HGSNAT: variants seen among roughly 807,000 people sequenced by gnomAD.
HGSNAT encodes transmembrane protein 76.
Under a neutral mutation model 85.2 loss-of-function variants are expected in HGSNAT, and 59 were observed. That is an observed-to-expected ratio of 0.69 (90% CI 0.56 to 0.86). The LOEUF (loss-of-function observed/expected upper bound fraction) is 0.86, where lower values mean the gene tolerates loss of function less well. HGSNAT is among the 40% of genes least tolerant of loss of function. The probability of loss-of-function intolerance (pLI) is 0.00; values close to 1 mark genes in which losing one functional copy is unlikely to be tolerated. For synonymous variants in HGSNAT, 321 were observed against 304.5 expected, an observed-to-expected ratio of 1.05 and a Z score of -0.56; for missense variants, 756 against 777.1, an observed-to-expected ratio of 0.97 and a Z score of 0.32.
intron 4 of HGSNAT, among the ~76,000 whole-genome samples, chr8:43,160,032 G>A (rs1803222315): frequency 6.6e-6 from 1 of 152,132 alleles, no homozygotes; most frequent in Admixed American, 6.6e-5. Context: ...ATATGTAGTG[G>A]AAGAAAAATA....
At chr8:43,152,657 A>G (rs927321007) in intron 2 of HGSNAT, among the ~76,000 whole-genome samples, 9 of 152,186 alleles carry the variant, frequency 5.9e-5, no homozygotes, top group Admixed American at 3.9e-4. Context: ...AGGTCTTGCT[A>G]TGTTGCTCAG....
In HGSNAT at chr8:43,182,031, G is replaced by T. The variant is rs536802718; in HGVS notation, c.1013-114G>T. 39 of 803,940 alleles carry T rather than the reference G, an allele frequency of 4.9e-5. 1 individual carries two copies. The South Asian group carries it at 5.4e-4, about 11-fold the overall frequency. 49.8% of individuals were successfully genotyped at this position (803,940 alleles called of 1,614,324 possible). ...TTTCCATGTCCAAGAGCTTAAAAAA[G>T]ACTTACTTAGATGCAATATAGGTAT... On this transcript the variant is annotated intron_variant, in intron 10 of 17. Coordinates refer to ENST00000379644, the MANE Select transcript of HGSNAT (RefSeq NM_152419.3).
chr8:43,164,539 G>C (rs534048974), intron 5 of HGSNAT, among the ~76,000 whole-genome samples: 2 of 152,096 alleles, frequency 1.3e-5, no homozygotes, highest in South Asian at 2.1e-4. Context: ...CAGCACTTTG[G>C]GGGGCCTAGG....
chr8:43,158,497 T>G, intron 2 of HGSNAT, 78 bp from the exon 3 acceptor site: 1 of 1,454,584 alleles, frequency 6.9e-7, no homozygotes, highest in South Asian at 1.2e-5. Context: ...GGATCTCCAG[T>G]TGGATATTTA....
At chr8:43,195,655 T>TGGAGGAGGTGGAGGGAGTCGA (rs1804693578) in intron 14 of HGSNAT, among the ~76,000 whole-genome samples, 1 of 67,560 alleles carries the variant, frequency 1.5e-5, no homozygotes. Flanking sequence ...GAGGAGGGGC[T>TGGAGGAGGTGGAGGGAGTCGA]GGAGGAGGAG....
intron 10 of HGSNAT, among the ~76,000 whole-genome samples, chr8:43,179,537 C>G (rs1430757160): frequency 1.0e-5 from 1 of 97,878 alleles, no homozygotes; most frequent in African/African-American, 4.1e-5. Flanking sequence ...CTGGCCGACC[C>G]CCCCCACCGC....
At position 43,146,979 on chromosome 8, in the gene HGSNAT, G is replaced by A. The variant is rs1409035097; in HGVS notation, c.150G>A (p.Lys50=). ...DLDKKRHAEL[K]MDQALLLIHN... is the part of the protein sequence containing the mutation. ...ACAAAAAAAGACATGCAGAGCTGAAGATGGATCAGGCTTTGCTACTCATCC... is the reference window on the plus strand; with the variant it reads ...ACAAAAAAAGACATGCAGAGCTGAAAATGGATCAGGCTTTGCTACTCATCC... Residue 50 remains lysine (K), a synonymous_variant, in exon 2 of 18, where the codon AAG becomes AAA. Coordinates refer to ENST00000379644, the MANE Select transcript of HGSNAT (RefSeq NM_152419.3). The A allele has an allele frequency of 6.2e-7, 1 of 1,605,060 alleles. No homozygotes were observed. Among genetic ancestry groups the A allele is most frequent in the Non-Finnish European group, 8.5e-7 (1 of 1,176,662 alleles).
intron 2 of HGSNAT, 88 bp downstream of exon 2, chr8:43,147,151 G>A: frequency 1.4e-6 from 1 of 718,144 alleles, no homozygotes. Flanking sequence ...CCCTTCACAA[G>A]TTAATTTCAG....
chr8:43,202,677 C>T lies in HGSNAT; in HGVS notation c.*3108C>T, dbSNP rs781370022. 6.6e-6 allele frequency: 1 copy of T among 152,098 alleles called. No homozygotes were observed. The highest frequency in any genetic ancestry group is 1.5e-5 in the Non-Finnish European group (1 of 68,012). The allele number at this position is 152,098 out of a possible 1,614,324, so 9.4% of individuals were successfully genotyped here. On this transcript the variant is annotated 3_prime_UTR_variant, in exon 18 of 18. Transcript: ENST00000379644. ...TGCCGCTGTAGATCATAAAATGTAT[C>T]TTTTCCATGGCCAACAAGGGGCATC...
At chr8:43,147,148 C>A in intron 2 of HGSNAT, 85 bp downstream of exon 2, 2 of 747,692 alleles carry the variant, frequency 2.7e-6, no homozygotes, top group Non-Finnish European at 2.2e-6. Context: ...AAGCCCTTCA[C>A]AAGTTAATTT....
intron 10 of HGSNAT, among the ~76,000 whole-genome samples, chr8:43,181,234 A>G (rs1415189043): frequency 7.8e-6 from 1 of 128,652 alleles, no homozygotes; most frequent in East Asian, 2.4e-4. Context: ...GGAGAGGGAG[A>G]GCATTTCATC....
At chr8:43,155,167 A>G (rs1256878033) in intron 2 of HGSNAT, among the ~76,000 whole-genome samples, 1 of 152,108 alleles carries the variant, frequency 6.6e-6, no homozygotes, top group Non-Finnish European at 1.5e-5. Flanking sequence ...GTTTCCCACA[A>G]TGGCTGTACT....
intron 2 of HGSNAT, among the ~76,000 whole-genome samples, chr8:43,148,975 G>A (rs569106855): frequency 1.5e-4 from 22 of 151,654 alleles, no homozygotes; most frequent in Non-Finnish European, 2.8e-4. Flanking sequence ...AATTAGCTAC[G>A]CACAGTGGTG....
intron 1 of HGSNAT, among the ~76,000 whole-genome samples, chr8:43,144,915 A>C (rs1802665172): frequency 6.6e-6 from 1 of 152,130 alleles, no homozygotes; most frequent in Non-Finnish European, 1.5e-5. Context: ...TTTCCTTGTG[A>C]TATAAGGCAC....
At position 43,169,229 on chromosome 8, in the gene HGSNAT, G is replaced by A. The variant is rs192297314; in HGVS notation, c.620G>A (p.Arg207His). 1.0e-5 allele frequency: 16 copies of A among 1,582,406 alleles called. No individual in the cohort carries two copies. Among genetic ancestry groups the A allele is most frequent in the African/African-American group, 8.0e-5 (6 of 74,562 alleles). Reference sequence around the variant, plus strand: ...GCCATAAGTTCTCGAGAAACTGATCGCCTCATCAATTCTGTAAGTTATGAG... The same window carrying A: ...GCCATAAGTTCTCGAGAAACTGATCACCTCATCAATTCTGTAAGTTATGAG... ...SKAISSRETD[R>H]LINSELGSPS... The change falls in exon 6 of 18, where the codon CGC becomes CAC. Residue 207 changes from arginine (R) to histidine (H), a missense_variant. Transcript: ENST00000379644.
At chr8:43,186,450 A>T (rs1358217818) in intron 11 of HGSNAT, among the ~76,000 whole-genome samples, 3 of 151,782 alleles carry the variant, frequency 2.0e-5, no homozygotes, top group African/African-American at 7.3e-5. Context: ...GTATTCTCTG[A>T]TTGTAGTTTG....
chr8:43,140,549 T>G lies in HGSNAT; in HGVS notation c.53T>G (p.Leu18Arg), dbSNP rs1802480688. 8.5e-7 allele frequency: 1 copy of G among 1,181,020 alleles called. No homozygotes were observed. The highest frequency in any genetic ancestry group is 1.6e-5 in the African/African-American group (1 of 61,496). The allele number at this position is 1,181,020 out of a possible 1,614,324, so 73.2% of individuals were successfully genotyped here. ...GCGCTGCTGCTGGCCGCGTCCGTGC[T>G]GAGCGCCGCGCTGCTGGCCCCCGGC... is the stretch of plus-strand genomic sequence containing the variant. ...LAALLLAASV[L>R]SAALLAPGGS... Residue 18 changes from leucine (L) to arginine (R), a missense_variant, in exon 1 of 18, where the codon CTG becomes CGG. Leu to Arg is a moderately radical substitution (Grantham distance 102, BLOSUM62 -2). Transcript: ENST00000379644.
chr8:43,168,281 C>T (rs1227337959), intron 5 of HGSNAT, among the ~76,000 whole-genome samples: 2 of 151,888 alleles, frequency 1.3e-5, no homozygotes, highest in Non-Finnish European at 2.9e-5. Flanking sequence ...CTATTTGAAT[C>T]ACCCCAAAGT....
chr8:43,184,217 T>G (rs1257722394), intron 11 of HGSNAT, among the ~76,000 whole-genome samples: 1 of 152,244 alleles, frequency 6.6e-6, no homozygotes, highest in African/African-American at 2.4e-5. Flanking sequence ...CCATACTGAC[T>G]TCCACAATGG....
Sources: gnomAD v4.1 joint callset for allele counts (sites outside exome capture counted in the v4.1 genomes callset) on GRCh38, gnomAD v4.1.1 for gene constraint, MANE v1.5 for transcripts, NCBI Gene and HGNC (gene_info 2026-07-23, HGNC 2026-07-21) for gene names.